Variants in TNRC6C observed in about 807,000 individuals in gnomAD.
TNRC6C encodes trinucleotide repeat containing adaptor 6C, also known as trinucleotide repeat-containing gene 6C protein.
Under a neutral mutation model 153.7 loss-of-function variants are expected in TNRC6C, and 20 were observed. That is an observed-to-expected ratio of 0.13 (90% CI 0.09 to 0.19). The LOEUF (loss-of-function observed/expected upper bound fraction) is 0.19, where lower values mean the gene tolerates loss of function less well. Ranked by LOEUF, TNRC6C falls within the 10% of genes least tolerant of loss-of-function variation. TNRC6C has a pLI of 1.00. For missense variants in TNRC6C, 1,987 were observed against 2,172.0 expected, an observed-to-expected ratio of 0.91 and a Z score of 1.69; for synonymous variants, 811 against 841.4, an observed-to-expected ratio of 0.96 and a Z score of 0.63.
chr17:78,074,412 A>G (rs1297268936), intron 7 of TNRC6C, among the ~76,000 whole-genome samples: 2 of 152,222 alleles, frequency 1.3e-5, no homozygotes, highest in Non-Finnish European at 2.9e-5. Context: ...TACAGAATTC[A>G]TGAATAATGA....
upstream of TNRC6C, among the ~76,000 whole-genome samples, chr17:77,958,203 C>A (rs1468629947): frequency 2.0e-5 from 3 of 152,032 alleles, no homozygotes; most frequent in Non-Finnish European, 4.4e-5. Flanking sequence ...AAAGCCCGGG[C>A]GCCGCGGGGC....
chr17:78,070,967 A>T, intron 5 of TNRC6C, 118 bp from the exon 8 acceptor site: 3 of 973,466 alleles, frequency 3.1e-6, no homozygotes, highest in Non-Finnish European at 3.1e-6. Context: ...ATTCAATGTT[A>T]ATACAAAAAG....
intron 1 of TNRC6C, among the ~76,000 whole-genome samples, chr17:77,961,157 CT>C (rs1219661580): frequency 3.0e-3 from 415 of 136,432 alleles, no homozygotes; most frequent in African/African-American, 3.5e-3. Context: ...CTCGGTTTTA[CT>C]TTTTTTTTTT....
chr17:78,017,995 T>C (rs1477900211), intron 1 of TNRC6C, among the ~76,000 whole-genome samples: 1 of 152,258 alleles, frequency 6.6e-6, no homozygotes, highest in African/African-American at 2.4e-5. Flanking sequence ...CCTTTTATCA[T>C]GCTTACAACA....
chr17:78,102,573 G>A (rs1033570826), intron 18 of TNRC6C, 29 bp downstream of exon 21: 11 of 1,579,146 alleles, frequency 7.0e-6, no homozygotes, highest in South Asian at 2.3e-5. Context: ...GCATCACTGA[G>A]CATGATCCAG....
At chr17:78,108,276 G>T (rs533230309) in exon 20 of TNRC6C, 1 of 154,458 alleles carries the variant, frequency 6.5e-6, no homozygotes, top group Non-Finnish European at 1.5e-5. Flanking sequence ...TGGGGAAGGT[G>T]GTGTGCTGCT....
At chr17:77,961,281 G>A (rs1186165148) in intron 1 of TNRC6C, among the ~76,000 whole-genome samples, 1 of 151,122 alleles carries the variant, frequency 6.6e-6, no homozygotes, top group Non-Finnish European at 1.5e-5. Flanking sequence ...TCACCCTCCC[G>A]AGTAGCAGGG....
intron 2 of TNRC6C, among the ~76,000 whole-genome samples, chr17:78,032,921 T>C (rs1325304428): frequency 6.6e-6 from 1 of 152,200 alleles, no homozygotes; most frequent in African/African-American, 2.4e-5. Context: ...AGGTCAATGA[T>C]TGTCACCAAA....
chr17:78,019,252 C>T (rs898876496), intron 1 of TNRC6C, among the ~76,000 whole-genome samples: 3 of 152,118 alleles, frequency 2.0e-5, no homozygotes, highest in Non-Finnish European at 2.9e-5. Context: ...TGGAGGCTAA[C>T]GAGGCTGGGT....
intron 15 of TNRC6C, 104 bp downstream of exon 17, chr17:78,093,228 C>A: frequency 2.4e-6 from 3 of 1,261,730 alleles, no homozygotes; most frequent in South Asian, 1.5e-5. Context: ...AGCTAAGGAT[C>A]TGGAAGCGTT....
At chr17:78,062,549 G>A (rs953481647) in intron 3 of TNRC6C, among the ~76,000 whole-genome samples, 8 of 152,124 alleles carry the variant, frequency 5.3e-5, no homozygotes, top group African/African-American at 1.9e-4. Flanking sequence ...TTATATTTCT[G>A]TCTGAGCAAA....
intron 3 of TNRC6C, among the ~76,000 whole-genome samples, chr17:78,052,884 T>C (rs960316423): frequency 2.0e-5 from 3 of 152,226 alleles, no homozygotes; most frequent in African/African-American, 7.2e-5. Flanking sequence ...GTCCGTGGGC[T>C]GCACCTAGTC....
chr17:77,985,629 T>C (rs986223049), intron 1 of TNRC6C, among the ~76,000 whole-genome samples: 1 of 147,320 alleles, frequency 6.8e-6, no homozygotes. Flanking sequence ...AGCAACTGTG[T>C]TGAATCTGTC....
At chr17:78,010,387 A>T (rs533898827) in intron 1 of TNRC6C, among the ~76,000 whole-genome samples, 2 of 152,230 alleles carry the variant, frequency 1.3e-5, no homozygotes, top group Non-Finnish European at 2.9e-5. Context: ...AAGTATTGGC[A>T]GTGTGCTTAG....
chr17:78,042,565 ATTTT>A (rs67678607), intron 2 of TNRC6C, among the ~76,000 whole-genome samples: 2 of 145,200 alleles, frequency 1.4e-5, no homozygotes, highest in African/African-American at 5.0e-5. Context: ...CATTTCACAG[ATTTT>A]TTTTTTTTTT....
chr17:78,039,943 T>G (rs1267069286), intron 2 of TNRC6C, among the ~76,000 whole-genome samples: 1 of 152,220 alleles, frequency 6.6e-6, no homozygotes, highest in Non-Finnish European at 1.5e-5. Context: ...GAACTTTTAT[T>G]CCTTCCCCCT....
chr17:77,996,496 C>T (rs529459984), intron 1 of TNRC6C, among the ~76,000 whole-genome samples: 31 of 152,284 alleles, frequency 2.0e-4, no homozygotes, highest in Admixed American at 3.9e-4. Context: ...CACTTCAATT[C>T]AGAGTTCCTA....
At chr17:78,061,929 A>G (rs923384072) in intron 3 of TNRC6C, among the ~76,000 whole-genome samples, 8 of 152,190 alleles carry the variant, frequency 5.3e-5, no homozygotes, top group Non-Finnish European at 1.0e-4. Context: ...AATAATTTGT[A>G]ATACCTATTG....
At chr17:78,062,151 C>T (rs1396731359) in intron 3 of TNRC6C, among the ~76,000 whole-genome samples, 1 of 152,110 alleles carries the variant, frequency 6.6e-6, no homozygotes, top group East Asian at 1.9e-4. Flanking sequence ...CTACTTCTCC[C>T]AATATATATT....
Sources: gnomAD v4.1 joint callset for allele counts (sites outside exome capture counted in the v4.1 genomes callset) on GRCh38, gnomAD v4.1.1 for gene constraint, MANE v1.5 for transcripts, NCBI Gene and HGNC (gene_info 2026-07-23, HGNC 2026-07-21) for gene names.